Variants in DLG2 observed in about 807,000 individuals in gnomAD.
DLG2 encodes the protein discs large MAGUK scaffold protein 2, also known as disks large homolog 2.
DLG2 carries 45 observed loss-of-function variants against 132.5 expected under a neutral mutation model. That is an observed-to-expected ratio of 0.34 (90% CI 0.27 to 0.44). The LOEUF (loss-of-function observed/expected upper bound fraction) is 0.44, where lower values mean the gene tolerates loss of function less well. DLG2 is among the 20% of genes least tolerant of loss of function. DLG2 has a pLI of 1.00. For missense variants in DLG2, 1,045 were observed against 1,196.9 expected, an observed-to-expected ratio of 0.87 and a Z score of 1.87; for synonymous variants, 424 against 419.6, an observed-to-expected ratio of 1.01 and a Z score of -0.13.
intron 7 of DLG2, among the ~76,000 whole-genome samples, chr11:84,521,874 C>T (rs2099302534): frequency 6.6e-6 from 1 of 151,990 alleles, no homozygotes; most frequent in Non-Finnish European, 1.5e-5. Flanking sequence ...AATTAAATTT[C>T]TTTGGGCTGG....
At chr11:84,038,951 C>A (rs1013628126) in intron 11 of DLG2, among the ~76,000 whole-genome samples, 2 of 152,058 alleles carry the variant, frequency 1.3e-5, no homozygotes, top group Admixed American at 6.6e-5. Context: ...AGGTAACTTC[C>A]CTCATGATTC....
chr11:84,785,430 A>G (rs1383759585), intron 6 of DLG2, among the ~76,000 whole-genome samples: 3 of 152,116 alleles, frequency 2.0e-5, no homozygotes, highest in Non-Finnish European at 4.4e-5. Context: ...CTTCCATTAG[A>G]AGTCACATGA....
intron 7 of DLG2, among the ~76,000 whole-genome samples, chr11:84,367,813 A>G (rs946370703): frequency 1.3e-5 from 2 of 152,060 alleles, no homozygotes; most frequent in African/African-American, 4.8e-5. Flanking sequence ...TAACGAATAA[A>G]TTTATTTTCT....
At position 83,459,579 on chromosome 11, in the gene DLG2, A is replaced by G. The variant is rs2135941481; in HGVS notation, c.*239T>C. 5.4e-6 allele frequency: 2 copies of G among 373,166 alleles called. No individual in the cohort carries two copies. The highest frequency in any genetic ancestry group is 8.8e-5 in the South Asian group (2 of 22,600). The allele number at this position is 373,166 out of a possible 1,614,324, so 23.1% of individuals were successfully genotyped here. On this transcript the variant is annotated 3_prime_UTR_variant, in exon 28 of 28. Coordinates refer to ENST00000376104, the MANE Select transcript of DLG2 (RefSeq NM_001142699.3). ...AAGCCCGTCAGAGGTTCATCCCTAC[A>G]CCTGGCACTTTGAGCAAACCAAAGC...
intron 19 of DLG2, among the ~76,000 whole-genome samples, chr11:83,587,886 C>T (rs2097115864): frequency 6.6e-6 from 1 of 152,178 alleles, no homozygotes; most frequent in Non-Finnish European, 1.5e-5. Context: ...TGACGGACGG[C>T]ACCTGGAAAA....
In DLG2 at chr11:85,351,653, T is replaced by A. The variant is rs573666217; in HGVS notation, c.41-66288A>T. On this transcript the variant is annotated intron_variant, in intron 3 of 27. Coordinates refer to ENST00000376104, the MANE Select transcript of DLG2 (RefSeq NM_001142699.3). Reference sequence around the variant, plus strand: ...AATTTTGTCGAAGGCCTTTTCTGCATCTATTGAGATAATTATGTGGTTTTC... The same window carrying A: ...AATTTTGTCGAAGGCCTTTTCTGCAACTATTGAGATAATTATGTGGTTTTC... Among the ~76,000 whole-genome samples the A allele has an allele frequency of 2.0e-5, 3 of 152,356 alleles. No homozygotes were observed. In the East Asian group the frequency reaches 5.8e-4, roughly 29 times the overall value.
At chr11:83,593,555 T>C (rs2097227524) in intron 19 of DLG2, among the ~76,000 whole-genome samples, 1 of 151,372 alleles carries the variant, frequency 6.6e-6, no homozygotes, top group African/African-American at 2.4e-5. Flanking sequence ...GATGACGAGT[T>C]AGTGGGTGCA....
intron 7 of DLG2, among the ~76,000 whole-genome samples, chr11:84,362,666 C>A (rs1012766115): frequency 2.0e-5 from 3 of 152,046 alleles, no homozygotes; most frequent in African/African-American, 4.8e-5. Flanking sequence ...CCACTCCCCC[C>A]ACCTCACAAC....
At chr11:83,529,220 C>T (rs1418281871) in intron 21 of DLG2, among the ~76,000 whole-genome samples, 1 of 152,108 alleles carries the variant, frequency 6.6e-6, no homozygotes, top group East Asian at 1.9e-4. Context: ...TCCCAAGGTC[C>T]CAGAGAATGA....
intron 7 of DLG2, among the ~76,000 whole-genome samples, chr11:84,395,233 C>T (rs1042584651): frequency 2.6e-5 from 4 of 151,156 alleles, no homozygotes; most frequent in African/African-American, 4.9e-5. Context: ...TATTCAAGTT[C>T]GTCTTTAATT....
intron 3 of DLG2, among the ~76,000 whole-genome samples, chr11:85,454,609 T>G (rs1220240886): frequency 6.6e-6 from 1 of 152,116 alleles, no homozygotes; most frequent in African/African-American, 2.4e-5. Context: ...CTTTGCCAGG[T>G]CCTATGTCCA....
chr11:84,860,617 A>G (rs1245132956), intron 6 of DLG2, among the ~76,000 whole-genome samples: 1 of 152,176 alleles, frequency 6.6e-6, no homozygotes, highest in African/African-American at 2.4e-5. Flanking sequence ...CTGATGAATC[A>G]CATAATAGTG....
intron 6 of DLG2, among the ~76,000 whole-genome samples, chr11:84,805,719 T>C (rs1338357218): frequency 6.6e-6 from 1 of 152,226 alleles, no homozygotes. Flanking sequence ...TTCATCATGA[T>C]TGAGGCCTCC....
At chr11:83,612,892 G>A (rs1438901812) in intron 19 of DLG2, among the ~76,000 whole-genome samples, 2 of 152,152 alleles carry the variant, frequency 1.3e-5, no homozygotes, top group Non-Finnish European at 2.9e-5. Context: ...CAGAGTCCAA[G>A]TTAAAATAGT....
chr11:84,096,682 C>T (rs2154176179), intron 10 of DLG2, among the ~76,000 whole-genome samples: 1 of 152,116 alleles, frequency 6.6e-6, no homozygotes, highest in Middle Eastern at 3.4e-3. Flanking sequence ...TATTTCTAAA[C>T]TTTAAAAATA....
intron 11 of DLG2, among the ~76,000 whole-genome samples, chr11:83,987,230 A>C (rs998967090): frequency 3.3e-5 from 5 of 152,124 alleles, no homozygotes; most frequent in Non-Finnish European, 7.4e-5. Context: ...TTCCATGCTC[A>C]TGGGTAGGAA....
chr11:83,753,879 TATATC>T (rs2093521128), intron 18 of DLG2, among the ~76,000 whole-genome samples: 1 of 77,140 alleles, frequency 1.3e-5, no homozygotes, highest in African/African-American at 1.2e-4. Context: ...ATATATGATA[TATATC>T]ATATATATCA....
At chr11:83,608,749 G>T (rs568283015) in intron 19 of DLG2, among the ~76,000 whole-genome samples, 1 of 147,042 alleles carries the variant, frequency 6.8e-6, no homozygotes, top group Admixed American at 6.8e-5. Flanking sequence ...GAGAGAGAGA[G>T]AAAGAGAGAG....
At chr11:85,081,174 C>T (rs935305907) in intron 6 of DLG2, among the ~76,000 whole-genome samples, 11 of 152,090 alleles carry the variant, frequency 7.2e-5, no homozygotes, top group Non-Finnish European at 1.6e-4. Context: ...TTTCCTTATG[C>T]GGAGCCCATT....
Sources: gnomAD v4.1 joint callset for allele counts (sites outside exome capture counted in the v4.1 genomes callset) on GRCh38, gnomAD v4.1.1 for gene constraint, MANE v1.5 for transcripts, NCBI Gene and HGNC (gene_info 2026-07-23, HGNC 2026-07-21) for gene names.